KCNT1: variants seen among roughly 807,000 people sequenced by gnomAD.
KCNT1 encodes potassium sodium-activated channel subfamily T member 1, also known as potassium channel subfamily T member 1.
KCNT1 carries 78 observed loss-of-function variants against 147.8 expected under a neutral mutation model. The observed-to-expected ratio is 0.53, with a 90% confidence interval of 0.44 to 0.64. The LOEUF (loss-of-function observed/expected upper bound fraction) is 0.64. Ranked by LOEUF, KCNT1 falls within the 30% of genes least tolerant of loss-of-function variation. The pLI, the probability that KCNT1 is intolerant of heterozygous loss-of-function variation, is 0.00. For synonymous variants in KCNT1, 867 were observed against 748.8 expected, an observed-to-expected ratio of 1.16 and a Z score of -2.58; for missense variants, 1,419 against 1,750.3, an observed-to-expected ratio of 0.81 and a Z score of 3.38.
chr9:135,740,320 A>G (rs1210526857), intron 2 of KCNT1, among the ~76,000 whole-genome samples: 1 of 152,146 alleles, frequency 6.6e-6, no homozygotes, highest in Non-Finnish European at 1.5e-5. Context: ...GGCATTCCCC[A>G]GGTTTAGAAC....
intron 1 of KCNT1, among the ~76,000 whole-genome samples, chr9:135,711,198 A>C (rs1332817845): frequency 1.3e-5 from 2 of 152,208 alleles, no homozygotes; most frequent in African/African-American, 4.8e-5. Context: ...GGGCAGCCTC[A>C]CATTCCCAAC....
intron 2 of KCNT1, among the ~76,000 whole-genome samples, chr9:135,716,667 C>G (rs1191913849): frequency 2.6e-5 from 4 of 152,190 alleles, no homozygotes; most frequent in African/African-American, 9.7e-5. Context: ...GCTGTGCCCA[C>G]TGGGCACATG....
At position 135,777,525 on chromosome 9, in the gene KCNT1, G is replaced by T. The variant is rs1313134564; in HGVS notation, c.2522+15G>T. 1 of 1,609,310 alleles carries T rather than the reference G, an allele frequency of 6.2e-7. No individual in the cohort carries two copies. The highest frequency in any genetic ancestry group is 2.2e-5 in the East Asian group (1 of 44,834). On this transcript the variant is annotated intron_variant, in intron 21 of 30. Transcript: ENST00000371757. ...CTGGACAACAAGTGAGGCTCCTGGG[G>T]CTCAGCCCACCCCGCCCACCCGGGC...
intron 2 of KCNT1, among the ~76,000 whole-genome samples, chr9:135,739,966 A>T (rs1398770077): frequency 6.6e-6 from 1 of 152,074 alleles, no homozygotes; most frequent in Non-Finnish European, 1.5e-5. Context: ...GGAGGCTGGA[A>T]GTCTGAGCTC....
At chr9:135,774,427 T>G (rs910379877) in intron 19 of KCNT1, among the ~76,000 whole-genome samples, 20 of 123,550 alleles carry the variant, frequency 1.6e-4, no homozygotes, top group Non-Finnish European at 2.7e-4. Context: ...TGTCTGTGTG[T>G]TGTGTGGTGT....
intron 2 of KCNT1, among the ~76,000 whole-genome samples, chr9:135,729,700 G>A (rs1002738307): frequency 1.3e-5 from 2 of 152,228 alleles, no homozygotes; most frequent in African/African-American, 4.8e-5. Context: ...GGTTCAGCTT[G>A]TTCTTCTGCC....
chr9:135,791,935 C>A (rs1366392249), intron 30 of KCNT1, 54 bp downstream of exon 30: 2 of 1,611,766 alleles, frequency 1.2e-6, no homozygotes, highest in Non-Finnish European at 1.7e-6. Flanking sequence ...CAGGTGGGCA[C>A]TGGGGAGATG....
intron 13 of KCNT1, 34 bp downstream of exon 13, chr9:135,765,794 G>A (rs759303490): frequency 1.2e-5 from 19 of 1,542,406 alleles, no homozygotes; most frequent in Non-Finnish European, 1.5e-5. Context: ...GTGGCATGGG[G>A]GCACCTTCCT....
chr9:135,736,625 C>A (rs1040061531), intron 2 of KCNT1: 20 of 165,406 alleles, frequency 1.2e-4, no homozygotes, highest in Non-Finnish European at 1.9e-4. Context: ...GCCGAGCGCT[C>A]CCGCAGGATG....
chr9:135,732,024 A>AGGGAGG (rs1554766181), intron 2 of KCNT1, among the ~76,000 whole-genome samples: 5 of 65,084 alleles, frequency 7.7e-5, no homozygotes, highest in Non-Finnish European at 1.3e-4. Flanking sequence ...AGAGAGAGAG[A>AGGGAGG]GAGAGAGAGA....
At chr9:135,777,262 G>A in intron 20 of KCNT1, 76 bp from the exon 21 acceptor site, 1 of 1,470,376 alleles carries the variant, frequency 6.8e-7, no homozygotes, top group Non-Finnish European at 9.3e-7. Flanking sequence ...TGTTTGGTGA[G>A]GGGTCTGGGA....
Position 135,702,285 on chromosome 9 carries a change from C to T in KCNT1, c.27C>T (p.Thr9=). The change falls in exon 1 of 31, where the codon ACC becomes ACT. Residue 9 remains threonine, a synonymous_variant. Transcript: ENST00000371757. MPLPDGAR[T]PGGVCREARG... ...TGCCACTCCCTGACGGGGCGCGGAC[C>T]CCGGGGGGCGTCTGCCGGGAGGCGC... The T allele has an allele frequency of 1.2e-6, 2 of 1,609,308 alleles. No individual in the cohort carries two copies. The highest frequency in any genetic ancestry group is 1.7e-6 in the Non-Finnish European group (2 of 1,178,152).
intron 2 of KCNT1, among the ~76,000 whole-genome samples, chr9:135,735,471 C>G (rs1330908474): frequency 1.3e-5 from 2 of 152,184 alleles, no homozygotes; most frequent in Non-Finnish European, 2.9e-5. Context: ...CCGCGTTGGC[C>G]ACCCAGGCCC....
rs769180254 is a variant in KCNT1, at chr9:135,775,427, G to A, written c.2349+12G>A. On this transcript the variant is annotated intron_variant, in intron 20 of 30. Coordinates refer to ENST00000371757, the MANE Select transcript of KCNT1 (RefSeq NM_020822.3). ...TGCGGCTGGACAAGGTAAGGCTGGC[G>A]GCTCTGCCGCGCTCTGCACCCCCAG... 25 of 1,600,922 alleles carry A rather than the reference G, an allele frequency of 1.6e-5. No individual in the cohort carries two copies. The highest frequency in any genetic ancestry group is 1.5e-4 in the African/African-American group (11 of 74,720).
intron 29 of KCNT1, chr9:135,791,493 GTGCTCAGTGCCTC>G (rs1215242351): frequency 1.9e-5 from 8 of 415,426 alleles, no homozygotes; most frequent in Non-Finnish European, 3.2e-5. Flanking sequence ...GTGTGCAGGT[GTGCTCAGTGCCTC>G]TGCTCAGGGC....
rs1834040682 is a variant in KCNT1, at chr9:135,786,280, C to G, written c.3261C>G (p.Gly1087=). ...GPWGSRAGTG[G]SSQGRHTGGG... is the part of the protein sequence containing the mutation. ...GGGGCTCCCGCGCTGGCACCGGAGG[C>G]AGCTCCCAGGGCCGCCACACGGGCG... Residue 1087 remains glycine, a synonymous_variant, in exon 29 of 31, where the codon GGC becomes GGG. Coordinates refer to ENST00000371757, the MANE Select transcript of KCNT1 (RefSeq NM_020822.3). 6.2e-7 allele frequency: 1 copy of G among 1,608,758 alleles called. No homozygotes were observed. Among genetic ancestry groups the G allele is most frequent in the Non-Finnish European group, 8.5e-7 (1 of 1,178,478 alleles).
chr9:135,793,992 GC>G lies in KCNT1; in HGVS notation c.*1833del, dbSNP rs1244383185. ...CCCTGCAGCTGGAAGGCCCAAGTCT[GC>G]CTCACCTGGGTGGCCTCTCATGTCC... is the stretch of plus-strand genomic sequence containing the variant. On this transcript the variant is annotated 3_prime_UTR_variant, in exon 31 of 31. Transcript: ENST00000371757. The G allele has an allele frequency of 6.6e-6, 1 of 152,364 alleles. No homozygotes were observed. The highest frequency in any genetic ancestry group is 1.5e-5 in the Non-Finnish European group (1 of 68,432). The allele number at this position is 152,364 out of a possible 1,614,324, so 9.4% of individuals were successfully genotyped here. A position where few individuals can be genotyped will look rare whatever the true frequency, so the allele number is the denominator to read the frequency against.
At chr9:135,703,957 C>T (rs977647087) in intron 1 of KCNT1, among the ~76,000 whole-genome samples, 1 of 152,202 alleles carries the variant, frequency 6.6e-6, no homozygotes, top group Non-Finnish European at 1.5e-5. Context: ...GCAGAGCAGC[C>T]GCCGGCAGTG....
At chr9:135,791,509 C>A in intron 29 of KCNT1, 1 of 447,646 alleles carries the variant, frequency 2.2e-6, no homozygotes, top group East Asian at 4.3e-5. Context: ...AGTGCCTCTG[C>A]TCAGGGCCAC....
Sources: allele counts gnomAD v4.1 joint callset (sites outside exome capture counted in the v4.1 genomes callset), GRCh38; gene constraint gnomAD v4.1.1; transcripts MANE v1.5; gene names NCBI Gene and HGNC (gene_info 2026-07-23, HGNC 2026-07-21).